ZCWPW2: variants seen among roughly 807,000 people sequenced by gnomAD.
ZCWPW2 encodes zinc finger CW-type PWWP domain protein 2.
ZCWPW2 carries 45 observed loss-of-function variants against 46.6 expected under a neutral mutation model. The observed-to-expected ratio is 0.96, with a 90% CI of 0.76 to 1.24. The LOEUF is 1.24. Among genes scored for constraint, ZCWPW2 ranks in the 50% most tolerant of loss-of-function variants. The pLI is 0.00. For missense variants in ZCWPW2, 429 were observed against 403.9 expected, an observed-to-expected ratio of 1.06 and a Z score of -0.53; for synonymous variants, 152 against 137.1, an observed-to-expected ratio of 1.11 and a Z score of -0.76.
chr3:28,480,090 T>G (rs1006405946), intron 5 of ZCWPW2, among the ~76,000 whole-genome samples: 3 of 152,156 alleles, frequency 2.0e-5, no homozygotes, highest in Non-Finnish European at 4.4e-5. Context: ...TACCCAGTAA[T>G]GAGATTGCTG....
chr3:28,368,415 T>C (rs1575055451), intron 1 of ZCWPW2, among the ~76,000 whole-genome samples: 2 of 152,190 alleles, frequency 1.3e-5, no homozygotes, highest in South Asian at 4.1e-4. Context: ...TCTTCACTTA[T>C]GAAGCTTAGT....
Position 28,411,405 on chromosome 3 carries a change from T to C in ZCWPW2, c.-13-1651T>C, listed in dbSNP as rs553180999. Among the ~76,000 whole-genome samples the C allele has an allele frequency of 1.6e-4, 24 of 152,030 alleles. No homozygotes were observed. In the South Asian group the frequency reaches 5.0e-3, roughly 32 times the overall value. On this transcript the variant is annotated intron_variant, in intron 2 of 9. Transcript: ENST00000383768. ...AAAACAACTTTCTGTAGCCTTTTAA[T>C]GGTCTCTACAAAAACCGTACTCCCA...
At chr3:28,521,764 G>A (rs761830837) in intron 9 of ZCWPW2, among the ~76,000 whole-genome samples, 2 of 152,094 alleles carry the variant, frequency 1.3e-5, no homozygotes, top group Non-Finnish European at 2.9e-5. Flanking sequence ...GAAGTCATAG[G>A]GTAGACACTT....
chr3:28,386,614 A>G (rs1014926778), intron 1 of ZCWPW2, among the ~76,000 whole-genome samples: 2 of 152,206 alleles, frequency 1.3e-5, no homozygotes, highest in African/African-American at 2.4e-5. Context: ...TATCCATTTA[A>G]ACAATTTTGA....
intron 8 of ZCWPW2, among the ~76,000 whole-genome samples, chr3:28,518,736 C>T (rs1347921610): frequency 6.6e-6 from 1 of 152,146 alleles, no homozygotes; most frequent in Non-Finnish European, 1.5e-5. Flanking sequence ...TTTTCTTTTA[C>T]AGCATAGCTT....
intron 8 of ZCWPW2, among the ~76,000 whole-genome samples, chr3:28,518,469 A>G (rs1420026907): frequency 6.6e-6 from 1 of 152,180 alleles, no homozygotes; most frequent in Non-Finnish European, 1.5e-5. Flanking sequence ...CAATATAGGA[A>G]TACTTATTTA....
At chr3:28,487,446 C>A (rs991542465) in intron 5 of ZCWPW2, among the ~76,000 whole-genome samples, 1 of 152,114 alleles carries the variant, frequency 6.6e-6, no homozygotes, top group African/African-American at 2.4e-5. Context: ...TGCTCTCAAC[C>A]ATTTCTTGTG....
At chr3:28,409,622 A>G (rs969596090) in intron 2 of ZCWPW2, among the ~76,000 whole-genome samples, 20 of 152,226 alleles carry the variant, frequency 1.3e-4, no homozygotes, top group Admixed American at 1.3e-3. Flanking sequence ...CATCTGGATT[A>G]AAGCATTCTG....
chr3:28,403,736 A>C (rs559877011), intron 2 of ZCWPW2, among the ~76,000 whole-genome samples: 1 of 152,218 alleles, frequency 6.6e-6, no homozygotes, highest in Non-Finnish European at 1.5e-5. Context: ...TCAGAAATAA[A>C]CCCAAATACT....
intron 2 of ZCWPW2, among the ~76,000 whole-genome samples, chr3:28,390,919 A>G (rs1250028156): frequency 6.6e-6 from 1 of 152,124 alleles, no homozygotes; most frequent in Non-Finnish European, 1.5e-5. Context: ...AACATTTGCC[A>G]AAGGGAATTC....
intron 4 of ZCWPW2, among the ~76,000 whole-genome samples, chr3:28,451,569 C>G (rs1172757838): frequency 1.3e-5 from 2 of 152,150 alleles, no homozygotes; most frequent in Non-Finnish European, 2.9e-5. Flanking sequence ...CAATGCTCCC[C>G]TATGGAGGAA....
intron 4 of ZCWPW2, among the ~76,000 whole-genome samples, chr3:28,441,868 C>A (rs1173443813): frequency 6.6e-6 from 1 of 152,126 alleles, no homozygotes. Flanking sequence ...CAGTAACAGA[C>A]CAAGAGCTGT....
intron 4 of ZCWPW2, among the ~76,000 whole-genome samples, chr3:28,442,037 A>T (rs1199689278): frequency 1.3e-5 from 2 of 152,208 alleles, no homozygotes; most frequent in Non-Finnish European, 2.9e-5. Flanking sequence ...CTGCTGGGTC[A>T]TATGGCCCAA....
chr3:28,428,793 C>G (rs996889528), intron 3 of ZCWPW2, among the ~76,000 whole-genome samples: 1 of 152,088 alleles, frequency 6.6e-6, no homozygotes, highest in African/African-American at 2.4e-5. Context: ...GGACTTTTCC[C>G]CCTTCACTTG....
chr3:28,511,167 G>A (rs532895126), intron 6 of ZCWPW2: 74 of 417,164 alleles, frequency 1.8e-4, no homozygotes, highest in African/African-American at 1.4e-3. Context: ...TGAATTTCAC[G>A]GCAGTAAGGG....
intron 4 of ZCWPW2, among the ~76,000 whole-genome samples, chr3:28,449,237 T>A (rs1320632069): frequency 6.6e-6 from 1 of 152,058 alleles, no homozygotes; most frequent in African/African-American, 2.4e-5. Context: ...AAAAACGACC[T>A]CATAACAGAT....
chr3:28,493,148 A>ATT (rs1699880567), intron 6 of ZCWPW2, among the ~76,000 whole-genome samples: 2 of 30,416 alleles, frequency 6.6e-5, no homozygotes, highest in Non-Finnish European at 6.5e-5. Context: ...ATTTTTTTTA[A>ATT]TGTTTTTTTT....
intron 4 of ZCWPW2, among the ~76,000 whole-genome samples, chr3:28,445,703 T>C (rs1465776606): frequency 1.3e-5 from 2 of 152,108 alleles, no homozygotes; most frequent in African/African-American, 4.8e-5. Flanking sequence ...TTAGTAATTA[T>C]TTAAATGGGT....
chr3:28,434,146 G>T (rs1051074508), intron 3 of ZCWPW2, among the ~76,000 whole-genome samples: 1 of 152,038 alleles, frequency 6.6e-6, no homozygotes, highest in Non-Finnish European at 1.5e-5. Flanking sequence ...TAAATTTTCA[G>T]TTTATTTCAA....
Sources: gnomAD v4.1 joint callset for allele counts (sites outside exome capture counted in the v4.1 genomes callset) on GRCh38, gnomAD v4.1.1 for gene constraint, MANE v1.5 for transcripts, NCBI Gene and HGNC (gene_info 2026-07-23, HGNC 2026-07-21) for gene names.